Variants in DOK6 observed in about 807,000 individuals in gnomAD.
The protein encoded by DOK6 is docking protein 6.
Under a neutral mutation model 44.0 loss-of-function variants are expected in DOK6, and 22 were observed. The observed-to-expected ratio is 0.50, with a 90% CI of 0.36 to 0.71. DOK6 has a LOEUF of 0.71. Ranked by LOEUF, DOK6 falls within the 30% of genes least tolerant of loss-of-function variation. The pLI, the probability that DOK6 is intolerant of heterozygous loss-of-function variation, is 0.00. For synonymous variants in DOK6, 166 were observed against 145.5 expected, an observed-to-expected ratio of 1.14 and a Z score of -1.01; for missense variants, 340 against 416.4, an observed-to-expected ratio of 0.82 and a Z score of 1.60.
chr18:69,603,770 CAAAAAAAAAAAAA>C (rs55654660), intron 3 of DOK6, among the ~76,000 whole-genome samples: 2 of 74,346 alleles, frequency 2.7e-5, no homozygotes, highest in East Asian at 5.1e-4. Flanking sequence ...GACTCCGTCT[CAAAAAAAAAAAAA>C]AAAAAAAAAA....
At chr18:69,574,404 A>G (rs1419201998) in intron 2 of DOK6, among the ~76,000 whole-genome samples, 4 of 152,094 alleles carry the variant, frequency 2.6e-5, no homozygotes, top group African/African-American at 9.6e-5. Context: ...ATGAAATATG[A>G]TTAAATGTAG....
At chr18:69,596,339 AG>A (rs1352752083) in intron 2 of DOK6, among the ~76,000 whole-genome samples, 6 of 152,292 alleles carry the variant, frequency 3.9e-5, no homozygotes, top group African/African-American at 1.4e-4. Context: ...AAAGAGTGAA[AG>A]GTAGTCCTGA....
chr18:69,514,930 A>G (rs1981477505), intron 1 of DOK6, among the ~76,000 whole-genome samples: 2 of 151,786 alleles, frequency 1.3e-5, no homozygotes, highest in Non-Finnish European at 2.9e-5. Context: ...TCATAGCCTC[A>G]GACTGATTAG....
In DOK6 at chr18:69,779,605, T is replaced by C. The variant is rs138312286; in HGVS notation, c.856+21732T>C. On this transcript the variant is annotated intron_variant, in intron 7 of 7. Transcript: ENST00000382713. ...ATATGTATCCCAAGTTACTACTCTTTTGATTTGTAAGGAAAAAAATAAAAA... is the reference window on the plus strand; with the variant it reads ...ATATGTATCCCAAGTTACTACTCTTCTGATTTGTAAGGAAAAAAATAAAAA... Among the ~76,000 whole-genome samples, 22 of 152,266 alleles carry C rather than the reference T, an allele frequency of 1.4e-4. No individual in the cohort carries two copies. The East Asian group carries it at 3.5e-3, about 24-fold the overall frequency.
intron 5 of DOK6, among the ~76,000 whole-genome samples, chr18:69,716,995 A>G (rs1986898772): frequency 6.6e-6 from 1 of 152,158 alleles, no homozygotes; most frequent in South Asian, 2.1e-4. Flanking sequence ...CTTCCATGGT[A>G]TTTCACATAT....
chr18:69,599,240 G>T, intron 2 of DOK6, 144 bp from the exon 3 acceptor site: 1 of 622,640 alleles, frequency 1.6e-6, no homozygotes, highest in African/African-American at 1.8e-5. Flanking sequence ...TTTCTTTACT[G>T]TTTTTGGCTA....
intron 7 of DOK6, among the ~76,000 whole-genome samples, chr18:69,775,944 A>G (rs996889754): frequency 5.3e-5 from 8 of 152,082 alleles, no homozygotes; most frequent in Middle Eastern, 3.4e-3. Context: ...TCTTGATAAA[A>G]TATTCCCTTG....
At position 69,613,447 on chromosome 18, in the gene DOK6, G is replaced by A. The variant is rs187635142; in HGVS notation, c.289+13949G>A. Among the ~76,000 whole-genome samples the A allele has an allele frequency of 1.7e-3, 264 of 152,242 alleles. 1 individual carries two copies. Among genetic ancestry groups the A allele is most frequent in the Non-Finnish European group, 2.5e-3 (167 of 68,010 alleles). Reference sequence around the variant, plus strand: ...GCTAGTAAATGAAAAAGGAGATGACGTAGAGAAACCCAAAGTTTGGTTAAT... The same window carrying A: ...GCTAGTAAATGAAAAAGGAGATGACATAGAGAAACCCAAAGTTTGGTTAAT... On this transcript the variant is annotated intron_variant, in intron 3 of 7. Transcript: ENST00000382713.
chr18:69,599,291 A>T, intron 2 of DOK6, 93 bp from the exon 3 acceptor site: 3 of 910,236 alleles, frequency 3.3e-6, no homozygotes, highest in Non-Finnish European at 4.9e-6. Context: ...GTGGAAATTC[A>T]TGTAAGACTG....
chr18:69,621,413 A>G (rs1260040429), intron 3 of DOK6, among the ~76,000 whole-genome samples: 2 of 152,100 alleles, frequency 1.3e-5, no homozygotes, highest in Non-Finnish European at 2.9e-5. Flanking sequence ...CATTACTTGT[A>G]TCATGTATTT....
At chr18:69,701,926 T>C (rs927187606) in intron 5 of DOK6, among the ~76,000 whole-genome samples, 1 of 152,118 alleles carries the variant, frequency 6.6e-6, no homozygotes, top group Non-Finnish European at 1.5e-5. Context: ...GAAAGAATCT[T>C]TTCTCTAATG....
intron 1 of DOK6, among the ~76,000 whole-genome samples, chr18:69,446,829 G>A (rs576650582): frequency 1.6e-3 from 243 of 152,284 alleles, no homozygotes; most frequent in Non-Finnish European, 2.8e-3. Flanking sequence ...ATTTTTTCAT[G>A]TGTCTGTTGG....
rs181766229 is a variant in DOK6 at position 69,444,094 on chromosome 18, G to A, written c.66+42784G>A. Among the ~76,000 whole-genome samples the A allele has an allele frequency of 1.7e-3, 252 of 152,158 alleles. 4 individuals are homozygous for A. The Middle Eastern group carries it at 0.048, about 29-fold the overall frequency. Reference sequence around the variant, plus strand: ...TGTCTCTACTTGTAAAGCAATCAGGGAAGGTTATAAGACAGGATATTAAAA... The same window carrying A: ...TGTCTCTACTTGTAAAGCAATCAGGAAAGGTTATAAGACAGGATATTAAAA... On this transcript the variant is annotated intron_variant, in intron 1 of 7. Coordinates refer to ENST00000382713, the MANE Select transcript of DOK6 (RefSeq NM_152721.6).
intron 3 of DOK6, among the ~76,000 whole-genome samples, chr18:69,640,784 T>C (rs1284359641): frequency 1.3e-5 from 2 of 152,176 alleles, no homozygotes; most frequent in Non-Finnish European, 2.9e-5. Flanking sequence ...TGATCTCTCT[T>C]CAGAATGCTT....
chr18:69,826,338 T>C (rs1461346314), intron 7 of DOK6, among the ~76,000 whole-genome samples: 1 of 152,204 alleles, frequency 6.6e-6, no homozygotes, highest in Non-Finnish European at 1.5e-5. Context: ...CAGAATATTG[T>C]AAAGTAGCAG....
At chr18:69,507,648 G>C (rs907957689) in intron 1 of DOK6, among the ~76,000 whole-genome samples, 1 of 152,050 alleles carries the variant, frequency 6.6e-6, no homozygotes, top group African/African-American at 2.4e-5. Flanking sequence ...CTTTCATGGT[G>C]CTGTTGTAAA....
In DOK6 at chr18:69,413,789, A is replaced by G. The variant is rs557955865; in HGVS notation, c.66+12479A>G. Among the ~76,000 whole-genome samples the G allele has an allele frequency of 5.9e-5, 9 of 151,946 alleles. No homozygotes were observed. In the East Asian group the frequency reaches 1.5e-3, roughly 26 times the overall value. On this transcript the variant is annotated intron_variant, in intron 1 of 7. Transcript: ENST00000382713. ...AAACTTTTGCTCTGTGAAAGACCCTATTAAGAGGATGAAAAGACAAGCTAT... is the reference window on the plus strand; with the variant it reads ...AAACTTTTGCTCTGTGAAAGACCCTGTTAAGAGGATGAAAAGACAAGCTAT...
At chr18:69,684,589 AAAG>A (rs1270725952) in intron 4 of DOK6, among the ~76,000 whole-genome samples, 2 of 149,166 alleles carry the variant, frequency 1.3e-5, no homozygotes, top group Non-Finnish European at 3.0e-5. Flanking sequence ...AGTGGCTTGA[AAAG>A]AAGAGTTTTA....
At chr18:69,647,315 C>T (rs1223513998) in intron 3 of DOK6, 1 of 151,952 alleles carries the variant, frequency 6.6e-6, no homozygotes, top group Non-Finnish European at 1.5e-5. Flanking sequence ...GCTAGAAGTA[C>T]AGGTTATGGT....
Sources: gnomAD v4.1 joint callset for allele counts (sites outside exome capture counted in the v4.1 genomes callset) on GRCh38, gnomAD v4.1.1 for gene constraint, MANE v1.5 for transcripts, NCBI Gene and HGNC (gene_info 2026-07-23, HGNC 2026-07-21) for gene names.